The following AQR variants were observed in gnomAD, a reference collection of about 807,000 sequenced individuals.
The protein encoded by AQR is aquarius intron-binding spliceosomal factor.
AQR carries 61 observed loss-of-function variants against 180.5 expected under a neutral mutation model. The ratio of observed to expected loss-of-function variants is 0.34; its 90% CI spans 0.28 to 0.42. The LOEUF is 0.42. AQR is among the 10% of genes least tolerant of loss of function. The pLI is 1.00. For missense variants in AQR, 1,281 were observed against 1,798.3 expected (o/e 0.71, Z 5.20); for synonymous variants, 551 against 588.8 (o/e 0.94, Z 0.93).
chr15:34,927,017 T>C lies in AQR; in HGVS notation c.1118+18A>G. 7.0e-7 allele frequency: 1 copy of C among 1,427,844 alleles called. No individual in the cohort carries two copies. Among genetic ancestry groups the C allele is most frequent in the Non-Finnish European group, 9.5e-7 (1 of 1,050,344 alleles). 88.4% of individuals were successfully genotyped at this position (1,427,844 alleles called of 1,614,324 possible). A position where few individuals can be genotyped will look rare whatever the true frequency, so the allele number is the denominator to read the frequency against. On this transcript the variant is annotated intron_variant, in intron 13 of 34. Transcript: ENST00000156471. ...CATGATACAAAAAAAGAATATATAG[T>C]TTTTCATGTTGTCTTACCTAAGAGG...
intron 30 of AQR, 85 bp downstream of exon 30, chr15:34,873,743 G>T: frequency 2.5e-6 from 3 of 1,219,132 alleles, no homozygotes; most frequent in South Asian, 2.3e-5. Flanking sequence ...TTTTCTCAAC[G>T]GCCAAATGGT....
intron 33 of AQR, among the ~76,000 whole-genome samples, chr15:34,860,819 G>A (rs745371702): frequency 1.3e-5 from 2 of 152,060 alleles, no homozygotes. Flanking sequence ...AATCATCTGG[G>A]GTAGACTGTT....
intron 16 of AQR, among the ~76,000 whole-genome samples, chr15:34,913,790 T>G (rs1893535499): frequency 6.6e-6 from 1 of 152,154 alleles, no homozygotes; most frequent in African/African-American, 2.4e-5. Flanking sequence ...TCCCCTAGGG[T>G]GCAAACAATG....
At chr15:34,893,093 A>T (rs535556462) in intron 23 of AQR, among the ~76,000 whole-genome samples, 1 of 152,322 alleles carries the variant, frequency 6.6e-6, no homozygotes, top group Non-Finnish European at 1.5e-5. Context: ...TGTTAGGAAC[A>T]AGTGCTCAAT....
chr15:34,935,967 G>A (rs1263397389), intron 9 of AQR, among the ~76,000 whole-genome samples: 3 of 152,014 alleles, frequency 2.0e-5, no homozygotes, highest in South Asian at 4.1e-4. Flanking sequence ...CTTTATTTAC[G>A]TCTTGACAAA....
chr15:34,934,476 A>G, intron 10 of AQR, 95 bp downstream of exon 10: 2 of 698,420 alleles, frequency 2.9e-6, no homozygotes, highest in Non-Finnish European at 4.3e-6. Context: ...TATTGAAAAG[A>G]AAAGGAAAGA....
Position 34,853,245 on chromosome 15 carries a change from T to G in AQR, c.*3547A>C, listed in dbSNP as rs1186426050. The G allele has an allele frequency of 6.6e-6, 1 of 151,484 alleles. No homozygotes were observed. The highest frequency in any genetic ancestry group is 1.5e-5 in the Non-Finnish European group (1 of 67,836). 9.4% of individuals were successfully genotyped at this position (151,484 alleles called of 1,614,324 possible). On this transcript the variant is annotated 3_prime_UTR_variant, in exon 35 of 35. Transcript: ENST00000156471. ...TGGCTTATGCAAAAGGGTCACTGTT[T>G]TTTTTTTTTTTTTAACTTTATCTTG...
intron 15 of AQR, among the ~76,000 whole-genome samples, chr15:34,916,889 AAAAAAAAAAAAAGAAAG>A (rs572436700): frequency 0.11 from 16,639 of 150,964 alleles, 1,039 homozygotes; most frequent in Middle Eastern, 0.17. Context: ...GAACAAAAAA[AAAAAAAAAAAAAGAAAG>A]AAAGAAAAAA....
intron 5 of AQR, among the ~76,000 whole-genome samples, chr15:34,945,964 T>A (rs954425559): frequency 1.3e-5 from 2 of 152,034 alleles, no homozygotes; most frequent in African/African-American, 2.4e-5. Flanking sequence ...GAAAAATAGA[T>A]CCCAAATCAA....
At chr15:34,946,495 C>CCAGCCTGGCCAG in intron 5 of AQR, among the ~76,000 whole-genome samples, 1 of 143,802 alleles carries the variant, frequency 7.0e-6, no homozygotes, top group Non-Finnish European at 1.5e-5. Flanking sequence ...GGGTCAGCCC[C>CCAGCCTGGCCAG]CCGCCCGGCC....
intron 30 of AQR, among the ~76,000 whole-genome samples, chr15:34,871,750 C>T (rs1292784278): frequency 6.6e-6 from 1 of 151,808 alleles, no homozygotes; most frequent in Non-Finnish European, 1.5e-5. Flanking sequence ...TCTACTAGAT[C>T]ACTTTAGGTG....
Position 34,853,924 on chromosome 15 carries a change from G to A in AQR, c.*2868C>T, listed in dbSNP as rs1227411382. Reference sequence around the variant, plus strand: ...AGCCAGGTCTCGATGAGTCCAAAGTGTGTTTTATAATATCTTGCTGTCTCT... The same window carrying A: ...AGCCAGGTCTCGATGAGTCCAAAGTATGTTTTATAATATCTTGCTGTCTCT... On this transcript the variant is annotated 3_prime_UTR_variant, in exon 35 of 35. Coordinates refer to ENST00000156471, the MANE Select transcript of AQR (RefSeq NM_014691.3). 2.6e-5 allele frequency: 4 copies of A among 152,116 alleles called. No homozygotes were observed. Among genetic ancestry groups the A allele is most frequent in the African/African-American group, 7.2e-5 (3 of 41,428 alleles). The allele number at this position is 152,116 out of a possible 1,614,324, so 9.4% of individuals were successfully genotyped here.
rs1894014513 is a variant in AQR, at chr15:34,941,015, G to A, written c.541-16C>T. ...CCAATCGTGCCTGAAGAAGAGATGT[G>A]TTATTAAATTACCAGTAGCCTCAAA... On this transcript the variant is annotated splice_polypyrimidine_tract_variant and intron_variant, in intron 7 of 34. Coordinates refer to ENST00000156471, the MANE Select transcript of AQR (RefSeq NM_014691.3). 6.5e-7 allele frequency: 1 copy of A among 1,540,054 alleles called. No individual in the cohort carries two copies. Among genetic ancestry groups the A allele is most frequent in the East Asian group, 2.3e-5 (1 of 44,274 alleles).
intron 1 of AQR, among the ~76,000 whole-genome samples, chr15:34,967,548 G>A (rs566273854): frequency 6.6e-6 from 1 of 152,216 alleles, no homozygotes; most frequent in African/African-American, 2.4e-5. Context: ...CCTCTCTAAA[G>A]TAGTGTAGAA....
rs1894056524 is a variant in AQR, at chr15:34,943,341, A to G, written c.471+947T>C. Reference sequence around the variant, plus strand: ...GAGAATGCTGGCTATTAAAAGATGCAAGCATTTTGAACTGGGAGGAGATAA... The same window carrying G: ...GAGAATGCTGGCTATTAAAAGATGCGAGCATTTTGAACTGGGAGGAGATAA... On this transcript the variant is annotated intron_variant, in intron 6 of 34. Transcript: ENST00000156471. 4 of 1,489,440 alleles carry G rather than the reference A, an allele frequency of 2.7e-6. No homozygotes were observed. The East Asian group carries it at 9.0e-5, about 34-fold the overall frequency. 92.3% of individuals were successfully genotyped at this position (1,489,440 alleles called of 1,614,324 possible).
chr15:34,893,853 C>T, intron 22 of AQR, 80 bp from the exon 23 acceptor site: 1 of 1,231,640 alleles, frequency 8.1e-7, no homozygotes, highest in African/African-American at 1.5e-5. Flanking sequence ...AAGTACAGAC[C>T]TGAAAGATAA....
In AQR at chr15:34,860,153, A is replaced by G. The variant is rs776573831; in HGVS notation, c.4032T>C (p.Asn1344=). The G allele has an allele frequency of 6.8e-7, 1 of 1,465,076 alleles. No individual in the cohort carries two copies. Among genetic ancestry groups the G allele is most frequent in the East Asian group, 2.4e-5 (1 of 42,124 alleles). The allele number at this position is 1,465,076 out of a possible 1,614,324, so 90.8% of individuals were successfully genotyped here. A position where few individuals can be genotyped will look rare whatever the true frequency, so the allele number is the denominator to read the frequency against. The change falls in exon 34 of 35, where the codon AAT becomes AAC. Residue 1344 remains asparagine, a splice_region_variant and synonymous_variant. Coordinates refer to ENST00000156471, the MANE Select transcript of AQR (RefSeq NM_014691.3). ...PTEPFPTTRK[N]GERPSHEVQI... ...GTACTTCATGAGATGGTCTCTCTCC[A>G]TTCTAGAAGAAGGAAAAAAGAACGT...
In AQR at chr15:34,870,909, G is replaced by C; in HGVS notation, c.3611C>G (p.Ala1204Gly). 6.2e-7 allele frequency: 1 copy of C among 1,611,916 alleles called. No homozygotes were observed. Among genetic ancestry groups the C allele is most frequent in the South Asian group, 1.1e-5 (1 of 90,842 alleles). Residue 1204 changes from alanine to glycine, a missense_variant, in exon 31 of 35, where the codon GCA becomes GGA. Ala to Gly is a moderately conservative substitution (Grantham distance 60). Around this residue, in one of 9 missense-constraint regions of AQR, gnomAD observed 197 missense variants for 320.7 expected, o/e 0.61. Coordinates refer to ENST00000156471, the MANE Select transcript of AQR (RefSeq NM_014691.3). ...CATAAAAAGTGCTACTACATATTCT[G>C]CCTCTCCAAGATTCTGTAATGCAAA... ...NPYFYQNLGE[A>G]EYVVALFMYM...
At chr15:34,902,949 A>G (rs974517384) in intron 19 of AQR, among the ~76,000 whole-genome samples, 1 of 152,142 alleles carries the variant, frequency 6.6e-6, no homozygotes, top group Admixed American at 6.5e-5. Flanking sequence ...GATACATAAC[A>G]AATGTATAAT....
Sources: allele counts gnomAD v4.1 joint callset (sites outside exome capture counted in the v4.1 genomes callset), GRCh38; gene constraint gnomAD v4.1.1; regional missense constraint gnomAD v4.1.1; transcripts MANE v1.5; gene names NCBI Gene and HGNC (gene_info 2026-07-23, HGNC 2026-07-21).